The following ANK1 variants were observed in gnomAD, a reference collection of about 807,000 sequenced individuals.
The protein encoded by ANK1 is ankyrin-1.
ANK1 carries 51 observed loss-of-function variants against 210.4 expected under a neutral mutation model. The ratio of observed to expected loss-of-function variants is 0.24; its 90% CI spans 0.19 to 0.31. The LOEUF (loss-of-function observed/expected upper bound fraction) is 0.31, where lower values mean the gene tolerates loss of function less well. ANK1 is among the 10% of genes least tolerant of loss of function. ANK1 has a pLI of 1.00. For missense variants in ANK1, 2,051 were observed against 2,504.4 expected, an observed-to-expected ratio of 0.82 and a Z score of 3.86; for synonymous variants, 967 against 1,025.9, an observed-to-expected ratio of 0.94 and a Z score of 1.10.
At chr8:41,752,647 C>G (rs973140850) in intron 2 of ANK1, among the ~76,000 whole-genome samples, 4 of 152,128 alleles carry the variant, frequency 2.6e-5, no homozygotes, top group Non-Finnish European at 5.9e-5. Flanking sequence ...GCCGTGGAAG[C>G]CAGCCCTCGG....
At chr8:41,805,157 T>TTC (rs200054677) in intron 1 of ANK1, among the ~76,000 whole-genome samples, 1 of 146,050 alleles carries the variant, frequency 6.8e-6, no homozygotes, top group Non-Finnish European at 1.5e-5. Flanking sequence ...ATAGAGCTCT[T>TTC]TCTCTCTCTC....
At chr8:41,657,305 G>C (rs566529408) in intron 42 of ANK1, among the ~76,000 whole-genome samples, 1 of 152,182 alleles carries the variant, frequency 6.6e-6, no homozygotes, top group African/African-American at 2.4e-5. Context: ...GCCTGACCTC[G>C]GTCAAGTGCC....
chr8:41,734,645 G>A (rs556682796), intron 2 of ANK1, among the ~76,000 whole-genome samples: 9 of 151,872 alleles, frequency 5.9e-5, no homozygotes, highest in African/African-American at 1.4e-4. Flanking sequence ...TAGTCGCAGC[G>A]CTTTGGGAGG....
intron 7 of ANK1, 101 bp downstream of exon 7, chr8:41,724,355 C>G (rs971467715): frequency 5.7e-6 from 6 of 1,044,156 alleles, no homozygotes; most frequent in Non-Finnish European, 8.6e-6. Context: ...GTTTAACCCA[C>G]AGGCACTTCT....
intron 1 of ANK1, among the ~76,000 whole-genome samples, chr8:41,821,009 A>G (rs1213389241): frequency 2.6e-5 from 4 of 152,202 alleles, no homozygotes; most frequent in Non-Finnish European, 4.4e-5. Context: ...GATATAGACA[A>G]TTTTACTAAC....
rs377482776 is a variant in ANK1, at chr8:41,889,504, G to A, written c.126+6851C>T. Among the ~76,000 whole-genome samples, 71 of 152,308 alleles carry A rather than the reference G, an allele frequency of 4.7e-4. 1 individual carries two copies. The South Asian group carries it at 0.015, about 31-fold the overall frequency. On this transcript the variant is annotated intron_variant, in intron 1 of 42. Coordinates refer to the ANK1 transcript ENST00000265709. ...AACACAGGGAAATCTTTGAGAAGAA[G>A]AGTCCAGTCACATTGGAAGCAAATG...
chr8:41,822,300 C>T (rs1233668976), intron 1 of ANK1, among the ~76,000 whole-genome samples: 1 of 152,182 alleles, frequency 6.6e-6, no homozygotes, highest in Non-Finnish European at 1.5e-5. Flanking sequence ...ACCATATACA[C>T]GTCCAAGCTC....
In ANK1 at chr8:41,780,536, TCTCC is replaced by T. The variant is rs540454685; in HGVS notation, c.27+16972_27+16975del. The stretch of plus-strand genomic sequence containing the variant: ...GCGGGTGCAGAGGGGAGGGGACGCT[TCTCC>T]CTCAGTAGATTCTTCCTTCCTAAAT... On this transcript the variant is annotated intron_variant, in intron 1 of 42. Transcript: ENST00000289734. Among the ~76,000 whole-genome samples the T allele has an allele frequency of 2.0e-3, 304 of 152,286 alleles. 2 individuals are homozygous for T. The highest frequency in any genetic ancestry group is 2.7e-3 in the South Asian group (13 of 4,824).
intron 16 of ANK1, among the ~76,000 whole-genome samples, 195 bp from the exon 17 acceptor site, chr8:41,709,170 G>T (rs1429209829): frequency 6.6e-6 from 1 of 152,188 alleles, no homozygotes; most frequent in Admixed American, 6.5e-5. Context: ...CCTCAGGCTT[G>T]CATAGCCTCT....
intron 1 of ANK1, among the ~76,000 whole-genome samples, chr8:41,884,823 C>A (rs1464587094): frequency 6.6e-6 from 1 of 152,162 alleles, no homozygotes; most frequent in African/African-American, 2.4e-5. Flanking sequence ...CAGGGTGAGA[C>A]CTTGTCTCAA....
chr8:41,719,965 T>C (rs1828825765), intron 9 of ANK1, 107 bp from the exon 10 acceptor site: 5 of 1,318,874 alleles, frequency 3.8e-6, no homozygotes, highest in Non-Finnish European at 4.3e-6. Context: ...ACACAATGTT[T>C]CCACAAGTCT....
At chr8:41,714,768 C>T (rs372796926) in intron 15 of ANK1, among the ~76,000 whole-genome samples, 9 of 151,896 alleles carry the variant, frequency 5.9e-5, no homozygotes, top group African/African-American at 9.7e-5. Flanking sequence ...GACTGACACT[C>T]GAGGATGGCT....
intron 1 of ANK1, among the ~76,000 whole-genome samples, chr8:41,840,761 A>C (rs1258070981): frequency 6.6e-6 from 1 of 152,266 alleles, no homozygotes; most frequent in Non-Finnish European, 1.5e-5. Flanking sequence ...GATTGGGAGC[A>C]GGGACCCAAA....
chr8:41,664,852 C>T (rs199958907), intron 39 of ANK1: 128 of 1,612,808 alleles, frequency 7.9e-5, no homozygotes, highest in Non-Finnish European at 1.7e-5. Flanking sequence ...ATGGTCTCCT[C>T]GTCGTCACTG....
intron 1 of ANK1, among the ~76,000 whole-genome samples, chr8:41,787,917 A>G (rs1026982785): frequency 6.6e-6 from 1 of 152,112 alleles, no homozygotes; most frequent in African/African-American, 2.4e-5. Context: ...AGAAATGGCT[A>G]CCATAATACA....
At chr8:41,892,540 A>G (rs1265222158) in intron 1 of ANK1, among the ~76,000 whole-genome samples, 1 of 152,220 alleles carries the variant, frequency 6.6e-6, no homozygotes, top group East Asian at 1.9e-4. Context: ...ATCACTTGAC[A>G]TTTAGTGTAG....
intron 1 of ANK1, among the ~76,000 whole-genome samples, chr8:41,774,246 T>C (rs1843550565): frequency 6.6e-6 from 1 of 152,148 alleles, no homozygotes; most frequent in South Asian, 2.1e-4. Flanking sequence ...GTGCCCCATG[T>C]CAACCAGGTA....
At chr8:41,741,579 G>GA (rs11380785) in intron 2 of ANK1, among the ~76,000 whole-genome samples, 70,022 of 141,162 alleles carry the variant, frequency 0.5, 18,592 homozygotes, top group East Asian at 0.77. Context: ...GACCTTACCT[G>GA]AAAAAAAAAA....
Position 41,717,617 on chromosome 8 carries a change from T to C in ANK1, c.1292A>G (p.Asn431Ser), listed in dbSNP as rs1412770997. ...KNLLQRGASP[N>S]VSNVKVETPL... is the part of the protein sequence containing the mutation. ...CTGAGGGCTTACCACGTTGGAGACG[T>C]TGGGCGACGCCCCCCGCTGCAGGAG... Residue 431 changes from asparagine to serine, a missense_variant, in exon 12 of 43, where the codon AAC becomes AGC. By Grantham distance (46) the Asn-to-Ser change is conservative (BLOSUM62 1). Transcript: ENST00000289734. The C allele has an allele frequency of 6.4e-7, 1 of 1,551,338 alleles. No individual in the cohort carries two copies. The highest frequency in any genetic ancestry group is 8.7e-7 in the Non-Finnish European group (1 of 1,146,984).
Sources: allele counts gnomAD v4.1 joint callset (sites outside exome capture counted in the v4.1 genomes callset), GRCh38; gene constraint gnomAD v4.1.1; transcripts MANE v1.5; gene names NCBI Gene and HGNC (gene_info 2026-07-23, HGNC 2026-07-21).